STON2: variants seen among roughly 807,000 people sequenced by gnomAD.
The protein encoded by STON2 is stonin 2, also known as stonin-2.
Under a neutral mutation model 65.7 loss-of-function variants are expected in STON2, and 29 were observed. That is an observed-to-expected ratio of 0.44 (90% CI 0.33 to 0.60). STON2 has a LOEUF of 0.60. STON2 is among the 20% of genes least tolerant of loss of function. The pLI is 0.03. For synonymous variants in STON2, 404 were observed against 414.2 expected (o/e 0.98, Z 0.30); for missense variants, 1,054 against 1,118.1 (o/e 0.94, Z 0.82).
intron 3 of STON2, among the ~76,000 whole-genome samples, chr14:81,389,549 T>C (rs964859024): frequency 1.3e-5 from 2 of 152,216 alleles, no homozygotes; most frequent in African/African-American, 4.8e-5. Context: ...ATCATTTCTA[T>C]GTGGTCAGTT....
intron 6 of STON2, among the ~76,000 whole-genome samples, chr14:81,273,278 T>C (rs1894670232): frequency 6.6e-6 from 1 of 152,172 alleles, no homozygotes; most frequent in South Asian, 2.1e-4. Flanking sequence ...TGAAAGCTAT[T>C]ATGGTTTAAT....
At chr14:81,304,779 A>T (rs1238709839) in intron 5 of STON2, among the ~76,000 whole-genome samples, 1 of 152,180 alleles carries the variant, frequency 6.6e-6, no homozygotes, top group Non-Finnish European at 1.5e-5. Context: ...AAACCCAGGC[A>T]TTGTTACTTT....
At chr14:81,413,005 C>A in intron 2 of STON2, 1 of 1,101,784 alleles carries the variant, frequency 9.1e-7, no homozygotes, top group Non-Finnish European at 1.3e-6. Context: ...AAAATGCGGA[C>A]ATGTCGGAAG....
chr14:81,333,034 T>C, intron 4 of STON2: 1 of 609,614 alleles, frequency 1.6e-6, no homozygotes, highest in Non-Finnish European at 2.9e-6. Context: ...CTTGTGTCCC[T>C]CTTGTTGCTT....
intron 1 of STON2, among the ~76,000 whole-genome samples, chr14:81,428,221 A>C (rs1234215097): frequency 6.6e-6 from 1 of 152,244 alleles, no homozygotes; most frequent in Non-Finnish European, 1.5e-5. Context: ...AGTAGAGGGA[A>C]ATGTAGGGAC....
rs758090680 is a variant in STON2, at chr14:81,264,930, A to G, written c.*3484T>C. ...TTCTTATCTTTTTGCTGTAAAGTCA[A>G]AAAGCAGGCCCTAGACTCAAAAGAA... On this transcript the variant is annotated 3_prime_UTR_variant, in exon 8 of 8. Transcript: ENST00000614646. 2.8e-4 allele frequency: 272 copies of G among 985,432 alleles called. No homozygotes were observed. The highest frequency in any genetic ancestry group is 3.2e-4 in the Non-Finnish European group (264 of 829,926). The allele number at this position is 985,432 out of a possible 1,614,324, so 61.0% of individuals were successfully genotyped here. A position where few individuals can be genotyped will look rare whatever the true frequency, so the allele number is the denominator to read the frequency against.
chr14:81,403,883 A>G (rs1252946877), upstream of STON2, among the ~76,000 whole-genome samples: 3 of 152,154 alleles, frequency 2.0e-5, no homozygotes, highest in Admixed American at 6.6e-5. Flanking sequence ...TTTATCCCCC[A>G]TATCTTCTGA....
Position 81,277,797 on chromosome 14 carries a change from G to C in STON2, c.1685C>G (p.Thr562Ser), listed in dbSNP as rs762916208. 5.6e-6 allele frequency: 9 copies of C among 1,614,024 alleles called. No homozygotes were observed. The highest frequency in any genetic ancestry group is 7.6e-6 in the Non-Finnish European group (9 of 1,180,040). Reference protein sequence around the residue: ...RIHSLRIDRVTYKEKKKYQPK... With the variant: ...RIHSLRIDRVSYKEKKKYQPK... ...CTGGTATTTCTTCTTCTCTTTATAGGTGACACGGTCTATCCGCAAGCTGTG... is the reference window on the plus strand; with the variant it reads ...CTGGTATTTCTTCTTCTCTTTATAGCTGACACGGTCTATCCGCAAGCTGTG... The change falls in exon 6 of 8, where the codon ACC becomes AGC. Residue 562 changes from threonine (T) to serine (S), a missense_variant. Thr to Ser is a moderately conservative substitution (Grantham distance 58). Transcript: ENST00000614646.
chr14:81,395,111 T>G (rs1439066227), intron 3 of STON2: 1 of 152,210 alleles, frequency 6.6e-6, no homozygotes, highest in Non-Finnish European at 1.5e-5. Flanking sequence ...AAGAGATTTC[T>G]CATGAACAAC....
chr14:81,375,336 ATATATC>A (rs1361484564), intron 3 of STON2, among the ~76,000 whole-genome samples: 1 of 152,124 alleles, frequency 6.6e-6, no homozygotes, highest in Non-Finnish European at 1.5e-5. Context: ...TGCACAAAAA[ATATATC>A]TAAAATACAA....
intron 4 of STON2, among the ~76,000 whole-genome samples, chr14:81,334,229 G>A (rs1897298625): frequency 6.6e-6 from 1 of 152,242 alleles, no homozygotes; most frequent in Non-Finnish European, 1.5e-5. Context: ...CTCTCTGCCA[G>A]AAGTGCTGAG....
Position 81,278,027 on chromosome 14 carries a change from C to A in STON2, c.1455G>T (p.Trp485Cys). ...GSARSQPRDGWPMMLRIPEKK... is the reference protein window; with the variant it reads ...GSARSQPRDGCPMMLRIPEKK... ...TCTCAGGGATCCTCAACATCATTGG[C>A]CACCCGTCACGAGGCTGGGACCGTG... Residue 485 changes from tryptophan to cysteine, a missense_variant, in exon 6 of 8, where the codon TGG becomes TGT. Transcript: ENST00000614646. 5 of 1,614,164 alleles carry A rather than the reference C, an allele frequency of 3.1e-6. No homozygotes were observed. Among genetic ancestry groups the A allele is most frequent in the Non-Finnish European group, 4.2e-6 (5 of 1,180,036 alleles).
intron 5 of STON2, among the ~76,000 whole-genome samples, chr14:81,304,460 T>C (rs1896094321): frequency 6.6e-6 from 1 of 152,168 alleles, no homozygotes; most frequent in Admixed American, 6.6e-5. Flanking sequence ...TGGTGGCTCA[T>C]GCTTGTAATC....
chr14:81,289,614 C>G (rs2140152057), intron 5 of STON2, among the ~76,000 whole-genome samples: 1 of 152,304 alleles, frequency 6.6e-6, no homozygotes. Context: ...TGACCTTTAT[C>G]ATCTGCGCGT....
intron 3 of STON2, among the ~76,000 whole-genome samples, chr14:81,372,550 C>CA (rs202208931): frequency 0.24 from 23,046 of 95,664 alleles, 2,608 homozygotes; most frequent in East Asian, 0.49. Flanking sequence ...AACCCTATCT[C>CA]AAAAAAAAAA....
intron 4 of STON2, among the ~76,000 whole-genome samples, chr14:81,363,298 A>G (rs1393349753): frequency 6.6e-6 from 1 of 152,222 alleles, no homozygotes; most frequent in East Asian, 1.9e-4. Flanking sequence ...ACAATTACAC[A>G]TAGAAACAAT....
At chr14:81,361,819 A>T (rs1490777429) in intron 4 of STON2, among the ~76,000 whole-genome samples, 1 of 152,154 alleles carries the variant, frequency 6.6e-6, no homozygotes, top group African/African-American at 2.4e-5. Context: ...AATTGGATTT[A>T]AAAATAAGCA....
intron 4 of STON2, among the ~76,000 whole-genome samples, chr14:81,346,723 G>C (rs72701738): frequency 0.032 from 4,826 of 152,114 alleles, 124 homozygotes; most frequent in South Asian, 0.075. Context: ...ATAATATCAA[G>C]TATCTTCTCA....
chr14:81,387,939 T>G (rs965172387), intron 3 of STON2, among the ~76,000 whole-genome samples: 45 of 147,268 alleles, frequency 3.1e-4, no homozygotes, highest in African/African-American at 1.1e-3. Flanking sequence ...ATCATATTTT[T>G]ATTTCTTTTC....
Sources: allele counts gnomAD v4.1 joint callset (sites outside exome capture counted in the v4.1 genomes callset), GRCh38; gene constraint gnomAD v4.1.1; transcripts MANE v1.5; gene names NCBI Gene and HGNC (gene_info 2026-07-23, HGNC 2026-07-21).